Variants in RAB3C observed in about 807,000 individuals in gnomAD.
RAB3C encodes ras-related protein Rab-3C.
Under a neutral mutation model 26.4 loss-of-function variants are expected in RAB3C, and 17 were observed. The observed-to-expected ratio is 0.64, with a 90% CI of 0.44 to 0.97. The LOEUF (loss-of-function observed/expected upper bound fraction) is 0.97. RAB3C is among the 50% of genes least tolerant of loss of function. The pLI, the probability that RAB3C is intolerant of heterozygous loss-of-function variation, is 0.00. For synonymous variants in RAB3C, 91 were observed against 95.9 expected (o/e 0.95, Z 0.30); for missense variants, 242 against 281.9 (o/e 0.86, Z 1.01).
chr5:58,845,594 C>CTATATATATATATATATATATA (rs147626783), intron 4 of RAB3C, among the ~76,000 whole-genome samples: 14 of 74,550 alleles, frequency 1.9e-4, no homozygotes, highest in African/African-American at 7.4e-4. Context: ...GTGATTCTTA[C>CTATATATATATATATATATATA]TATATATATA....
At chr5:58,651,589 A>G (rs1417116618) in intron 2 of RAB3C, among the ~76,000 whole-genome samples, 5 of 152,230 alleles carry the variant, frequency 3.3e-5, no homozygotes, top group African/African-American at 1.2e-4. Context: ...TGCAATCCAA[A>G]TAAAACTAAG....
chr5:58,703,252 G>A (rs908538700), intron 2 of RAB3C, among the ~76,000 whole-genome samples: 8 of 151,280 alleles, frequency 5.3e-5, no homozygotes, highest in African/African-American at 9.7e-5. Context: ...GTGTGATCTC[G>A]GCTCACCGCA....
intron 3 of RAB3C, among the ~76,000 whole-genome samples, chr5:58,805,447 T>C (rs1365961007): frequency 6.6e-6 from 1 of 151,674 alleles, no homozygotes; most frequent in East Asian, 1.9e-4. Flanking sequence ...TAGCCAGGTG[T>C]GGTAGTGCGC....
intron 3 of RAB3C, among the ~76,000 whole-genome samples, chr5:58,819,566 C>T (rs1366215253): frequency 6.6e-6 from 1 of 152,154 alleles, no homozygotes; most frequent in Non-Finnish European, 1.5e-5. Context: ...TTCTAAGATG[C>T]ACAATTTTTC....
chr5:58,799,317 A>T (rs1455071386), intron 3 of RAB3C, among the ~76,000 whole-genome samples: 1 of 152,130 alleles, frequency 6.6e-6, no homozygotes, highest in African/African-American at 2.4e-5. Flanking sequence ...TGAAAACTAG[A>T]TGTATGGCAA....
chr5:58,668,233 A>C (rs1280554604), intron 2 of RAB3C, among the ~76,000 whole-genome samples: 1 of 152,134 alleles, frequency 6.6e-6, no homozygotes, highest in Non-Finnish European at 1.5e-5. Context: ...TTCAGAGAAA[A>C]GTGATTAGAA....
chr5:58,821,514 T>C (rs1743342108), intron 3 of RAB3C, among the ~76,000 whole-genome samples: 1 of 152,240 alleles, frequency 6.6e-6, no homozygotes, highest in Admixed American at 6.5e-5. Flanking sequence ...TCATATTCTG[T>C]GTACATAAGA....
intron 2 of RAB3C, chr5:58,644,440 T>C (rs1747475632): frequency 6.6e-6 from 1 of 152,210 alleles, no homozygotes; most frequent in South Asian, 2.1e-4. Flanking sequence ...GCCTGCATGG[T>C]AGGTGGAAGA....
At chr5:58,835,428 G>C (rs561459569) in intron 4 of RAB3C, among the ~76,000 whole-genome samples, 25 of 152,254 alleles carry the variant, frequency 1.6e-4, no homozygotes, top group African/African-American at 6.0e-4. Context: ...TCTTCATTAT[G>C]AAGAGCTTCC....
At chr5:58,831,981 A>T (rs188489840) in intron 4 of RAB3C, among the ~76,000 whole-genome samples, 1 of 152,336 alleles carries the variant, frequency 6.6e-6, no homozygotes, top group Admixed American at 6.5e-5. Context: ...TTTAAGTCCC[A>T]GGTTATTCCA....
At chr5:58,849,753 A>G (rs1375112876) in intron 4 of RAB3C, among the ~76,000 whole-genome samples, 1 of 152,236 alleles carries the variant, frequency 6.6e-6, no homozygotes, top group Non-Finnish European at 1.5e-5. Context: ...ATTGAACCAA[A>G]TAGTATAACG....
intron 2 of RAB3C, among the ~76,000 whole-genome samples, chr5:58,618,154 C>T (rs151039489): frequency 1.3e-5 from 2 of 152,092 alleles, no homozygotes; most frequent in African/African-American, 2.4e-5. Context: ...GGAAGGAACA[C>T]TTTAAGTCTG....
intron 2 of RAB3C, among the ~76,000 whole-genome samples, chr5:58,721,093 A>G (rs970216301): frequency 1.3e-5 from 2 of 151,884 alleles, no homozygotes; most frequent in Admixed American, 6.6e-5. Flanking sequence ...GTTTTAAGCT[A>G]CTACTTATCA....
intron 3 of RAB3C, among the ~76,000 whole-genome samples, chr5:58,743,891 C>T (rs1741334620): frequency 6.6e-6 from 1 of 152,164 alleles, no homozygotes; most frequent in South Asian, 2.1e-4. Flanking sequence ...GGAAAATACA[C>T]AAATAGATCT....
chr5:58,583,591 G>A (rs1745951769), intron 1 of RAB3C, among the ~76,000 whole-genome samples: 1 of 152,154 alleles, frequency 6.6e-6, no homozygotes, highest in Non-Finnish European at 1.5e-5. Context: ...GAAAACTCAC[G>A]GATTTAAGGC....
chr5:58,667,839 C>T (rs1400801899), intron 2 of RAB3C, among the ~76,000 whole-genome samples: 1 of 152,080 alleles, frequency 6.6e-6, no homozygotes, highest in Non-Finnish European at 1.5e-5. Context: ...GACTTAACTC[C>T]TCTCCTAAGA....
chr5:58,608,410 T>C (rs1441704923), intron 1 of RAB3C, among the ~76,000 whole-genome samples: 1 of 152,086 alleles, frequency 6.6e-6, no homozygotes, highest in Admixed American at 6.6e-5. Flanking sequence ...AAGAAGACAT[T>C]TATGCAGCCA....
At chr5:58,688,146 A>G (rs1383984820) in intron 2 of RAB3C, among the ~76,000 whole-genome samples, 1 of 152,120 alleles carries the variant, frequency 6.6e-6, no homozygotes, top group East Asian at 1.9e-4. Context: ...TGGTTTCTCC[A>G]GAGCACCCAT....
chr5:58,701,506 T>G (rs1347642075), intron 2 of RAB3C, among the ~76,000 whole-genome samples: 1 of 152,172 alleles, frequency 6.6e-6, no homozygotes, highest in Non-Finnish European at 1.5e-5. Flanking sequence ...CCATTCCCAT[T>G]GAACATGTAT....
Sources: allele counts gnomAD v4.1 joint callset (sites outside exome capture counted in the v4.1 genomes callset), GRCh38; gene constraint gnomAD v4.1.1; transcripts MANE v1.5; gene names NCBI Gene and HGNC (gene_info 2026-07-23, HGNC 2026-07-21).